PCCA: variants seen among roughly 807,000 people sequenced by gnomAD.
PCCA encodes propionyl-CoA carboxylase subunit alpha, also known as propionyl-CoA carboxylase alpha chain, mitochondrial.
PCCA carries 74 observed loss-of-function variants against 101.3 expected under a neutral mutation model. The ratio of observed to expected loss-of-function variants is 0.73; its 90% CI spans 0.61 to 0.89. The LOEUF is 0.89. Among genes scored for constraint, PCCA ranks in the 40% least tolerant of loss-of-function variants. The pLI, the probability that PCCA is intolerant of heterozygous loss-of-function variation, is 0.00. For missense variants in PCCA, 891 were observed against 907.0 expected (o/e 0.98, Z 0.23); for synonymous variants, 294 against 313.6 (o/e 0.94, Z 0.66).
intron 4 of PCCA, among the ~76,000 whole-genome samples, chr13:100,117,523 A>T (rs766391092): frequency 5.9e-5 from 9 of 151,836 alleles, no homozygotes; most frequent in Non-Finnish European, 8.8e-5. Context: ...TATCACAGGG[A>T]CAGAAAACAA....
intron 2 of PCCA, among the ~76,000 whole-genome samples, chr13:100,104,863 C>T (rs112356246): frequency 6.6e-6 from 1 of 151,832 alleles, no homozygotes; most frequent in African/African-American, 2.4e-5. Flanking sequence ...GTCACCATGC[C>T]CGGCTAATTT....
chr13:100,309,370 C>T (rs554968629), intron 15 of PCCA, among the ~76,000 whole-genome samples: 1 of 152,244 alleles, frequency 6.6e-6, no homozygotes, highest in Non-Finnish European at 1.5e-5. Flanking sequence ...GCCCTCCAGC[C>T]TGGGCAATAG....
chr13:100,226,442 T>A (rs902539809), intron 7 of PCCA, among the ~76,000 whole-genome samples: 1 of 152,136 alleles, frequency 6.6e-6, no homozygotes, highest in African/African-American at 2.4e-5. Context: ...GTGAGAAGGA[T>A]GTCTGAATCA....
Position 100,283,887 on chromosome 13 carries a change from A to G in PCCA, c.1065+10541A>G, listed in dbSNP as rs1030292215. Among the ~76,000 whole-genome samples the G allele has an allele frequency of 3.3e-5, 5 of 152,326 alleles. No homozygotes were observed. The East Asian group carries it at 7.7e-4, about 24-fold the overall frequency. On this transcript the variant is annotated intron_variant, in intron 12 of 23. Transcript: ENST00000376285. The stretch of plus-strand genomic sequence containing the variant: ...GGCTGCCGCCTCGTCCATGTCCACT[A>G]TGCCGAGGCAATCACTGGAAGGTGC...
Position 100,309,664 on chromosome 13 carries a change from T to A in PCCA, c.1354-169T>A, listed in dbSNP as rs79764964. On this transcript the variant is annotated intron_variant, in intron 15 of 23. Coordinates refer to ENST00000376285, the MANE Select transcript of PCCA (RefSeq NM_000282.4). ...TCTGAAATAGCTTGATTCTAATATT[T>A]ATATACTTAAAAAATCATAATTGAC... Among the ~76,000 whole-genome samples, 346 of 152,316 alleles carry A rather than the reference T, an allele frequency of 2.3e-3. 7 individuals are homozygous for A. The East Asian group carries it at 0.056, about 25-fold the overall frequency.
chr13:100,393,415 G>A (rs1313711994), intron 19 of PCCA, among the ~76,000 whole-genome samples: 1 of 132,056 alleles, frequency 7.6e-6, no homozygotes, highest in East Asian at 2.5e-4. Context: ...CTACTGAAGA[G>A]TCTTTTTTTT....
intron 17 of PCCA, among the ~76,000 whole-genome samples, chr13:100,335,334 A>C (rs894424089): frequency 3.3e-5 from 5 of 152,162 alleles, no homozygotes; most frequent in Admixed American, 1.3e-4. Context: ...ACACAAGCCC[A>C]CTAGGAAGAA....
At chr13:100,330,270 C>A (rs1187733846) in intron 16 of PCCA, among the ~76,000 whole-genome samples, 1 of 152,122 alleles carries the variant, frequency 6.6e-6, no homozygotes, top group Non-Finnish European at 1.5e-5. Flanking sequence ...GTGTTTGAGC[C>A]TAGTTTTAAT....
chr13:100,293,296 T>C, intron 12 of PCCA: 1 of 468,976 alleles, frequency 2.1e-6, no homozygotes, highest in Non-Finnish European at 4.4e-6. Flanking sequence ...CTATACACTC[T>C]AATCTCATCA....
intron 8 of PCCA, among the ~76,000 whole-genome samples, chr13:100,243,708 C>T (rs1041562759): frequency 6.6e-6 from 1 of 152,114 alleles, no homozygotes; most frequent in Non-Finnish European, 1.5e-5. Flanking sequence ...ATCTTATGTT[C>T]TTTGAAAGTC....
chr13:100,445,323 A>G (rs2080747406), intron 20 of PCCA, among the ~76,000 whole-genome samples: 1 of 152,188 alleles, frequency 6.6e-6, no homozygotes, highest in African/African-American at 2.4e-5. Context: ...ACTTTCACAC[A>G]TGTACAACAT....
intron 23 of PCCA, among the ~76,000 whole-genome samples, chr13:100,529,203 C>T (rs1165616428): frequency 6.6e-6 from 1 of 152,174 alleles, no homozygotes; most frequent in African/African-American, 2.4e-5. Flanking sequence ...GCCACTTTTC[C>T]TCCCAGAGAA....
rs117828323 is a variant in PCCA at position 100,226,510 on chromosome 13, T to C, written c.601-9332T>C. 4.6e-3 allele frequency among the ~76,000 whole-genome samples: 704 copies of C among 152,300 alleles called. 19 individuals carry two copies. Among genetic ancestry groups the C allele is most frequent in the East Asian group, 0.046 (238 of 5,178 alleles). On this transcript the variant is annotated intron_variant, in intron 7 of 23. Coordinates refer to ENST00000376285, the MANE Select transcript of PCCA (RefSeq NM_000282.4). ...TATCAAAATGTATGGGTGTTTAGCA[T>C]CTGGGAAGAATGATTCGAATGTGCC...
At chr13:100,102,751 A>C in intron 1 of PCCA, 132 bp from the exon 2 acceptor site, 1 of 671,006 alleles carries the variant, frequency 1.5e-6, no homozygotes, top group East Asian at 2.7e-5. Context: ...AATTATATTT[A>C]TGGTATATTG....
chr13:100,506,216 A>G (rs2086063893), intron 21 of PCCA, among the ~76,000 whole-genome samples: 1 of 151,932 alleles, frequency 6.6e-6, no homozygotes, highest in South Asian at 2.1e-4. Context: ...GGACTTGGCC[A>G]CCTTCAGCAT....
At chr13:100,167,084 TTATTC>T (rs1380679808) in intron 6 of PCCA, among the ~76,000 whole-genome samples, 1 of 152,206 alleles carries the variant, frequency 6.6e-6, no homozygotes. Context: ...TTAGGGTTCT[TTATTC>T]TAGGAAAAAT....
chr13:100,178,419 G>C (rs1220745459), intron 6 of PCCA, among the ~76,000 whole-genome samples: 1 of 152,082 alleles, frequency 6.6e-6, no homozygotes, highest in Non-Finnish European at 1.5e-5. Context: ...ATAACTTCAG[G>C]GTTCATTGCC....
chr13:100,201,744 C>G (rs1282507996), intron 6 of PCCA, among the ~76,000 whole-genome samples: 1 of 151,200 alleles, frequency 6.6e-6, no homozygotes, highest in Non-Finnish European at 1.5e-5. Flanking sequence ...GTAATCCCAG[C>G]TACTTGGGAG....
At chr13:100,497,708 A>G (rs932214902) in intron 21 of PCCA, among the ~76,000 whole-genome samples, 3 of 152,110 alleles carry the variant, frequency 2.0e-5, no homozygotes, top group African/African-American at 7.2e-5. Context: ...TGAGGTCTAA[A>G]TTTCAGTGAT....
Sources: gnomAD v4.1 joint callset for allele counts (sites outside exome capture counted in the v4.1 genomes callset) on GRCh38, gnomAD v4.1.1 for gene constraint, MANE v1.5 for transcripts, NCBI Gene and HGNC (gene_info 2026-07-23, HGNC 2026-07-21) for gene names.